The following CABYR variants were observed in gnomAD, a reference collection of about 807,000 sequenced individuals.
CABYR encodes calcium-binding tyrosine phosphorylation-regulated protein.
Under a neutral mutation model 36.1 loss-of-function variants are expected in CABYR, and 31 were observed. The ratio of observed to expected loss-of-function variants is 0.86; its 90% CI spans 0.64 to 1.16. The LOEUF (loss-of-function observed/expected upper bound fraction) is 1.16. Among genes scored for constraint, CABYR ranks in the 50% most tolerant of loss-of-function variants. The pLI is 0.00. For missense variants in CABYR, 429 were observed against 455.8 expected (o/e 0.94, Z 0.53); for synonymous variants, 146 against 160.7 (o/e 0.91, Z 0.69).
chr18:24,150,476 A>G (rs1041287572), intron 3 of CABYR: 2 of 421,982 alleles, frequency 4.7e-6, no homozygotes, highest in Non-Finnish European at 6.3e-6. Flanking sequence ...CATATAATCA[A>G]TCATCTGCCT....
At chr18:24,154,741 G>C (rs1287420062) in intron 3 of CABYR, among the ~76,000 whole-genome samples, 1 of 152,212 alleles carries the variant, frequency 6.6e-6, no homozygotes, top group Non-Finnish European at 1.5e-5. Context: ...TAATGACTAA[G>C]GTAGTTAGGT....
intron 4 of CABYR, among the ~76,000 whole-genome samples, chr18:24,157,871 T>A (rs1296857762): frequency 6.6e-6 from 1 of 152,198 alleles, no homozygotes; most frequent in Non-Finnish European, 1.5e-5. Flanking sequence ...GGGACGTGCA[T>A]GAGCCAACCC....
rs143277865 is a variant in CABYR, at chr18:24,160,004, C to T, written c.1074C>T (p.Tyr358=). 11 of 1,614,008 alleles carry T rather than the reference C, an allele frequency of 6.8e-6. No homozygotes were observed. The highest frequency in any genetic ancestry group is 6.7e-5 in the African/African-American group (5 of 74,916). ...SGDKCAPFGS[Y]GIAGEVTVTT... ...ACAAATGTGCTCCCTTTGGAAGTTA[C>T]GGTATTGCTGGGGAGGTAACCGTGA... The change falls in exon 5 of 6, where the codon TAC becomes TAT. Residue 358 remains tyrosine, a synonymous_variant. Transcript: ENST00000399496.
In CABYR at chr18:24,159,942, G is replaced by C. The variant is rs774502312; in HGVS notation, c.1012G>C (p.Val338Leu). Residue 338 changes from valine (V) to leucine (L), a missense_variant, in exon 5 of 6, where the codon GTA (valine) becomes CTA (leucine). By Grantham distance (32) the Val-to-Leu change is conservative (BLOSUM62 1). Coordinates refer to ENST00000399496, the MANE Select transcript of CABYR (RefSeq NM_153769.3). ...SPVFLSVAFPVEDVAKKSSGS... is the reference protein window; with the variant it reads ...SPVFLSVAFPLEDVAKKSSGS... ...TGTTTTCCTTTCTGTTGCTTTCCCA[G>C]TAGAAGATGTAGCTAAAAAAAGTTC... 15 of 1,614,022 alleles carry C rather than the reference G, an allele frequency of 9.3e-6. No individual in the cohort carries two copies. Among genetic ancestry groups the C allele is most frequent in the Non-Finnish European group, 1.3e-5 (15 of 1,180,040 alleles).
chr18:24,153,592 AT>A (rs2085693848), intron 3 of CABYR, among the ~76,000 whole-genome samples: 1 of 151,758 alleles, frequency 6.6e-6, no homozygotes, highest in Admixed American at 6.6e-5. Flanking sequence ...GACTGTTCTT[AT>A]GTCCCTTTTC....
chr18:24,139,341 A>G (rs1311503928), intron 1 of CABYR: 2 of 152,184 alleles, frequency 1.3e-5, no homozygotes, highest in African/African-American at 2.4e-5. Context: ...CCTCTCTTGG[A>G]CAAGTCCAGG....
In CABYR at chr18:24,143,428, T is replaced by C; in HGVS notation, c.199+15T>C. 7.1e-7 allele frequency: 1 copy of C among 1,409,850 alleles called. No homozygotes were observed. The highest frequency in any genetic ancestry group is 9.8e-7 in the Non-Finnish European group (1 of 1,018,762). The allele number at this position is 1,409,850 out of a possible 1,614,324, so 87.3% of individuals were successfully genotyped here. A position where few individuals can be genotyped will look rare whatever the true frequency, so the allele number is the denominator to read the frequency against. On this transcript the variant is annotated intron_variant, in intron 3 of 5. Transcript: ENST00000399496. ...TCAGATTAAAGGTAAGTACCACAAGTAGTAATAGTTTTAATAATGATGTTT... is the reference window on the plus strand; with the variant it reads ...TCAGATTAAAGGTAAGTACCACAAGCAGTAATAGTTTTAATAATGATGTTT...
chr18:24,139,327 C>A (rs2085242463), intron 1 of CABYR, among the ~76,000 whole-genome samples: 1 of 152,082 alleles, frequency 6.6e-6, no homozygotes, highest in African/African-American at 2.4e-5. Context: ...GGGTCCGTCG[C>A]CCGCCTCTCT....
rs2085766228 is a variant in CABYR, at chr18:24,155,820, G to C, written c.319G>C (p.Glu107Gln). The C allele has an allele frequency of 1.9e-6, 3 of 1,614,010 alleles. No individual in the cohort carries two copies. The highest frequency in any genetic ancestry group is 8.5e-7 in the Non-Finnish European group (1 of 1,180,024). ...GATGGAAAAATCTACAGACACAGAC[G>C]AGGACAATGTAACCAGAACAGAATA... ...TQMEKSTDTDEDNVTRTEYSD... is the reference protein window; with the variant it reads ...TQMEKSTDTDQDNVTRTEYSD... Residue 107 changes from glutamate (E) to glutamine (Q), a missense_variant, in exon 4 of 6, where the codon GAG becomes CAG. Glu to Gln is a conservative substitution (Grantham distance 29, BLOSUM62 2). Transcript: ENST00000399496.
chr18:24,159,116 C>A (rs965776022), intron 4 of CABYR, among the ~76,000 whole-genome samples: 1 of 152,218 alleles, frequency 6.6e-6, no homozygotes, highest in Non-Finnish European at 1.5e-5. Context: ...ACACACTCTT[C>A]AATTGACTTT....
chr18:24,144,206 T>C (rs2085402675), intron 3 of CABYR, among the ~76,000 whole-genome samples: 1 of 152,162 alleles, frequency 6.6e-6, no homozygotes, highest in Non-Finnish European at 1.5e-5. Flanking sequence ...CTGCTGTGTA[T>C]GGTTATTAGT....
At chr18:24,160,811 C>T (rs1163705029) in intron 5 of CABYR, 11 of 152,366 alleles carry the variant, frequency 7.2e-5, no homozygotes, top group African/African-American at 2.7e-4. Flanking sequence ...GGTGTTCAGG[C>T]TCAGATGTAA....
At chr18:24,156,909 G>C in intron 4 of CABYR, 4 of 1,614,094 alleles carry the variant, frequency 2.5e-6, no homozygotes, top group Non-Finnish European at 3.4e-6. Context: ...GTCATCTAGT[G>C]GCCCCTTCCC....
intron 3 of CABYR, among the ~76,000 whole-genome samples, chr18:24,155,170 C>T (rs556397876): frequency 1.4e-4 from 22 of 152,166 alleles, no homozygotes; most frequent in African/African-American, 3.4e-4. Flanking sequence ...GTCTCCCCCC[C>T]ACCCAACCTT....
chr18:24,156,139 A>G (rs928492519), intron 4 of CABYR, 97 bp downstream of exon 4: 2 of 1,614,094 alleles, frequency 1.2e-6, no homozygotes, highest in Admixed American at 3.3e-5. Context: ...CCAAGCTCAG[A>G]GGCTGCTGAA....
intron 1 of CABYR, among the ~76,000 whole-genome samples, chr18:24,142,067 GT>G (rs954479147): frequency 6.6e-6 from 1 of 152,216 alleles, no homozygotes; most frequent in African/African-American, 2.4e-5. Flanking sequence ...GCTCATGCCT[GT>G]AATCCCAACA....
rs2085377627 is a variant in CABYR, at chr18:24,143,423, A to C, written c.199+10A>C. ...TTTCATCAGATTAAAGGTAAGTACC[A>C]CAAGTAGTAATAGTTTTAATAATGA... is the stretch of plus-strand genomic sequence containing the variant. On this transcript the variant is annotated intron_variant, in intron 3 of 5. Transcript: ENST00000399496. 1.4e-6 allele frequency: 2 copies of C among 1,440,550 alleles called. No individual in the cohort carries two copies. Among genetic ancestry groups the C allele is most frequent in the Non-Finnish European group, 1.9e-6 (2 of 1,040,114 alleles). 89.2% of individuals were successfully genotyped at this position (1,440,550 alleles called of 1,614,324 possible).
rs1005587175 is a variant in CABYR, at chr18:24,159,601, C to G, written c.671C>G (p.Thr224Ser). ...PPAPGPFPQATLYLPNPKDPQ... is the reference protein window; with the variant it reads ...PPAPGPFPQASLYLPNPKDPQ... ...GCACCTGGGCCTTTTCCCCAAGCAA[C>G]CCTCTATTTACCTAATCCTAAGGAT... The change falls in exon 5 of 6, where the codon ACC becomes AGC. Residue 224 changes from threonine to serine, a missense_variant. Coordinates refer to ENST00000399496, the MANE Select transcript of CABYR (RefSeq NM_153769.3). 1 of 1,614,050 alleles carries G rather than the reference C, an allele frequency of 6.2e-7. No individual in the cohort carries two copies. Among genetic ancestry groups the G allele is most frequent in the Non-Finnish European group, 8.5e-7 (1 of 1,180,002 alleles).
At chr18:24,142,122 C>T (rs939103772) in intron 1 of CABYR, among the ~76,000 whole-genome samples, 7 of 152,086 alleles carry the variant, frequency 4.6e-5, no homozygotes, top group Admixed American at 4.6e-4. Flanking sequence ...GAGTTCAAGA[C>T]CAGCCTGGCC....
Sources: allele counts gnomAD v4.1 joint callset (sites outside exome capture counted in the v4.1 genomes callset), GRCh38; gene constraint gnomAD v4.1.1; transcripts MANE v1.5; gene names NCBI Gene and HGNC (gene_info 2026-07-23, HGNC 2026-07-21).